The following SZT2 variants were observed in gnomAD, a reference collection of about 807,000 sequenced individuals.
SZT2 encodes the protein SZT2 subunit of KICSTOR complex.
A neutral mutation model predicts 404.2 loss-of-function variants in SZT2; 216 were observed. The ratio of observed to expected loss-of-function variants is 0.53; its 90% CI spans 0.48 to 0.60. The LOEUF is 0.60. Among genes scored for constraint, SZT2 ranks in the 20% least tolerant of loss-of-function variants. The probability of loss-of-function intolerance (pLI) is 0.00; values close to 1 mark genes in which losing one functional copy is unlikely to be tolerated. For missense variants in SZT2, 3,857 were observed against 4,459.2 expected, an observed-to-expected ratio of 0.86 and a Z score of 3.85; for synonymous variants, 1,693 against 1,749.9, an observed-to-expected ratio of 0.97 and a Z score of 0.81.
intron 41 of SZT2, among the ~76,000 whole-genome samples, chr1:43,434,791 ACT>A (rs1466163673): frequency 2.0e-5 from 3 of 152,116 alleles, no homozygotes; most frequent in African/African-American, 7.2e-5. Context: ...GGACGCTGTA[ACT>A]CTGTGGAGCT....
rs1283569503 is a variant in SZT2 at position 43,447,657 on chromosome 1, C to T, written c.9399C>T (p.Gly3133=). 2 of 1,614,150 alleles carry T rather than the reference C, an allele frequency of 1.2e-6. No individual in the cohort carries two copies. Among genetic ancestry groups the T allele is most frequent in the Non-Finnish European group, 1.7e-6 (2 of 1,180,026 alleles). ...CATTGCGAATGGCCCGGCCAGGGGG[C>T]CCAGAACACAACGAGTATGCCCTGG... ...MKPLRMARPG[G]PEHNEYALVS... The change falls in exon 67 of 72, where the codon GGC becomes GGT. Residue 3133 remains glycine (G), a synonymous_variant. Transcript: ENST00000634258.
chr1:43,392,410 T>C (rs1450595064), intron 1 of SZT2, among the ~76,000 whole-genome samples: 1 of 151,176 alleles, frequency 6.6e-6, no homozygotes. Flanking sequence ...AGCCAAAAGT[T>C]AAGCTTTTTT....
In SZT2 at chr1:43,430,988, G is replaced by T. The variant is rs748780265; in HGVS notation, c.4814G>T (p.Gly1605Val). 10 of 1,613,996 alleles carry T rather than the reference G, an allele frequency of 6.2e-6. No homozygotes were observed. In the African/African-American group the frequency reaches 1.3e-4, roughly 22 times the overall value. ...LSSLEGPPVG[G>V]RVPLRDLSVT... ...AGTCTGGAGGGCCCCCCAGTTGGAGGCCGAGTTCCCTTGAGGGACCTCAGT... is the reference window on the plus strand; with the variant it reads ...AGTCTGGAGGGCCCCCCAGTTGGAGTCCGAGTTCCCTTGAGGGACCTCAGT... Residue 1605 changes from glycine (G) to valine (V), a missense_variant, in exon 33 of 72, where the codon GGC becomes GTC. This residue lies in a region of SZT2 where 1,725 missense variants were observed against 1,881.0 expected (regional missense o/e 0.92). Coordinates refer to ENST00000634258, the MANE Select transcript of SZT2 (RefSeq NM_001365999.1).
rs1250703199 is a variant in SZT2 at position 43,446,251 on chromosome 1, G to A, written c.8989G>A (p.Ala2997Thr). The change falls in exon 64 of 72, where the codon GCA (alanine) becomes ACA (threonine). Residue 2997 changes from alanine to threonine, a missense_variant. This residue lies in a region of SZT2 where 717 missense variants were observed against 868.2 expected (regional missense o/e 0.83). Transcript: ENST00000634258. ...TGGGGGCATCATCCTCATGGAACTGGCATTCCAGGTAAGCAGGAGGAGCAC... is the reference window on the plus strand; with the variant it reads ...TGGGGGCATCATCCTCATGGAACTGACATTCCAGGTAAGCAGGAGGAGCAC... ...LPGGIILMEL[A>T]FQGCYFCVKQ... 1.1e-5 allele frequency: 18 copies of A among 1,614,112 alleles called. No homozygotes were observed. The highest frequency in any genetic ancestry group is 1.5e-5 in the Non-Finnish European group (18 of 1,180,058).
intron 26 of SZT2, 103 bp downstream of exon 26, chr1:43,427,837 C>G (rs757435210): frequency 1.4e-6 from 2 of 1,409,934 alleles, no homozygotes; most frequent in Non-Finnish European, 1.9e-6. Flanking sequence ...GCTGCCATAT[C>G]CTGCTGGCTC....
chr1:43,397,392 C>T (rs1192038145), intron 1 of SZT2, among the ~76,000 whole-genome samples: 1 of 150,336 alleles, frequency 6.7e-6, no homozygotes, highest in Non-Finnish European at 1.5e-5. Context: ...CACTGCTGCA[C>T]TCCAGCCTGG....
Position 43,420,458 on chromosome 1 carries a change from C to T in SZT2, c.1261+135C>T. On this transcript the variant is annotated intron_variant, in intron 9 of 71. Coordinates refer to ENST00000634258, the MANE Select transcript of SZT2 (RefSeq NM_001365999.1). The surrounding 1 kb of genome is among the most constrained non-coding windows in gnomAD (Gnocchi z 5.1). ...CTTGAGACAGTGGGTTTTGAATTGT[C>T]ATCAGGGCTTAATTCTCTTAGCATG... is the stretch of plus-strand genomic sequence containing the variant. 8.3e-7 allele frequency: 1 copy of T among 1,206,738 alleles called. No homozygotes were observed. The allele number at this position is 1,206,738 out of a possible 1,614,324, so 74.8% of individuals were successfully genotyped here. A position where few individuals can be genotyped will look rare whatever the true frequency, so the allele number is the denominator to read the frequency against.
rs1370222135 is a variant in SZT2, at chr1:43,451,326, A to T, written c.*846A>T. ...TACTGTGTCTCCTGCAGGGAGAGGGAGGCCTCGGCACCTCAGCCCACAAGG... is the reference window on the plus strand; with the variant it reads ...TACTGTGTCTCCTGCAGGGAGAGGGTGGCCTCGGCACCTCAGCCCACAAGG... On this transcript the variant is annotated 3_prime_UTR_variant, in exon 72 of 72. Transcript: ENST00000634258. 1 of 1,613,336 alleles carries T rather than the reference A, an allele frequency of 6.2e-7. No individual in the cohort carries two copies. Among genetic ancestry groups the T allele is most frequent in the South Asian group, 1.1e-5 (1 of 91,072 alleles).
At position 43,424,633 on chromosome 1, in the gene SZT2, T is replaced by C. The variant is rs926765569; in HGVS notation, c.2472-151T>C. On this transcript the variant is annotated intron_variant, in intron 16 of 71. Coordinates refer to ENST00000634258, the MANE Select transcript of SZT2 (RefSeq NM_001365999.1). This position sits in a 1 kb window ranked among gnomAD's most constrained non-coding sequence, Gnocchi z 4.1. Reference sequence around the variant, plus strand: ...TCTCTCATCCTCACTGGATTTGTTATACCCTGAGGGACCGCCAGTCTAAGC... The same window carrying C: ...TCTCTCATCCTCACTGGATTTGTTACACCCTGAGGGACCGCCAGTCTAAGC... The C allele has an allele frequency of 2.4e-6, 2 of 844,320 alleles. No homozygotes were observed. Among genetic ancestry groups the C allele is most frequent in the Non-Finnish European group, 3.7e-6 (2 of 540,680 alleles). 52.3% of individuals were successfully genotyped at this position (844,320 alleles called of 1,614,324 possible).
intron 1 of SZT2, among the ~76,000 whole-genome samples, chr1:43,395,014 G>T (rs1648824708): frequency 6.6e-6 from 1 of 152,198 alleles, no homozygotes; most frequent in African/African-American, 2.4e-5. Flanking sequence ...GATTCTGTAA[G>T]AACTGATTGA....
At position 43,443,034 on chromosome 1, in the gene SZT2, T is replaced by C. The variant is rs1023163174; in HGVS notation, c.8367T>C (p.Pro2789=). The C allele has an allele frequency of 2.5e-6, 4 of 1,613,782 alleles. No homozygotes were observed. In the African/African-American group the frequency reaches 5.3e-5, roughly 22 times the overall value. Residue 2789 remains proline (P), a synonymous_variant, in exon 59 of 72, where the codon CCT becomes CCC. Coordinates refer to ENST00000634258, the MANE Select transcript of SZT2 (RefSeq NM_001365999.1). ...VLGPVPRPPD[P]VTYHGQQFLE... ...GTCCTGTGCCCAGACCTCCTGATCCTGTCACCTACCATGGACAACAGTTCC... is the reference window on the plus strand; with the variant it reads ...GTCCTGTGCCCAGACCTCCTGATCCCGTCACCTACCATGGACAACAGTTCC...
intron 4 of SZT2, among the ~76,000 whole-genome samples, chr1:43,411,469 C>T (rs1422911401): frequency 6.6e-6 from 1 of 152,230 alleles, no homozygotes; most frequent in East Asian, 1.9e-4. Flanking sequence ...TGCAGAATGA[C>T]AGTCACCCAG....
chr1:43,440,885 A>T (rs957344398), intron 52 of SZT2, among the ~76,000 whole-genome samples: 1 of 152,208 alleles, frequency 6.6e-6, no homozygotes, highest in Non-Finnish European at 1.5e-5. Flanking sequence ...AGCAAAACAA[A>T]AACTGCTCTG....
chr1:43,439,501 C>A lies in SZT2; in HGVS notation c.6877+59C>A, dbSNP rs1245598661. 1 of 1,597,078 alleles carries A rather than the reference C, an allele frequency of 6.3e-7. No homozygotes were observed. The highest frequency in any genetic ancestry group is 2.2e-5 in the East Asian group (1 of 44,716). ...AGGTGAGGGAAAGCCTTTTGTCATC[C>A]TATTGCTAAGAGGACATTTCCCAGG... On this transcript the variant is annotated intron_variant, in intron 49 of 71. Transcript: ENST00000634258. This position sits in a 1 kb window ranked among gnomAD's most constrained non-coding sequence, Gnocchi z 4.2.
intron 4 of SZT2, among the ~76,000 whole-genome samples, chr1:43,411,054 C>T (rs1223350823): frequency 6.6e-6 from 1 of 152,152 alleles, no homozygotes; most frequent in Non-Finnish European, 1.5e-5. Flanking sequence ...GACTGTAAAG[C>T]CTGATCTATA....
Position 43,391,893 on chromosome 1 carries a change from A to ATT in SZT2, c.27+1898_27+1899insTT, listed in dbSNP as rs1308326488. On this transcript the variant is annotated intron_variant, in intron 1 of 71. Transcript: ENST00000634258. ...TCAGGAGATCGAGACCATCCTGGCTAAAACGGTGAAACCCTGTCTCTACTA... is the reference window on the plus strand; with the variant it reads ...TCAGGAGATCGAGACCATCCTGGCTATTAAACGGTGAAACCCTGTCTCTACTA... Among the ~76,000 whole-genome samples the ATT allele has an allele frequency of 3.2e-3, 81 of 25,148 alleles. 35 individuals are homozygous for ATT. The highest frequency in any genetic ancestry group is 3.8e-3 in the Non-Finnish European group (42 of 11,176). 16.5% of individuals were successfully genotyped at this position (25,148 alleles called of 152,430 possible).
chr1:43,438,181 T>C, intron 46 of SZT2: 1 of 431,914 alleles, frequency 2.3e-6, no homozygotes, highest in East Asian at 4.9e-5. Flanking sequence ...GACTGGCTTC[T>C]GCCATGTTCA....
chr1:43,452,591 G>A lies in SZT2; in HGVS notation c.*2111G>A. 1.7e-6 allele frequency: 1 copy of A among 601,936 alleles called. No homozygotes were observed. Among genetic ancestry groups the A allele is most frequent in the Non-Finnish European group, 3.0e-6 (1 of 336,200 alleles). The allele number at this position is 601,936 out of a possible 1,614,324, so 37.3% of individuals were successfully genotyped here. On this transcript the variant is annotated 3_prime_UTR_variant, in exon 72 of 72. Transcript: ENST00000634258. ...TTCCCTCGGTCCTTCTCCGCAACCT[G>A]TAACCTGCTAAATTCTCACCTTTAA...
Position 43,427,272 on chromosome 1 carries a change from C to T in SZT2, c.3434-9C>T. The T allele has an allele frequency of 6.2e-7, 1 of 1,607,182 alleles. No homozygotes were observed. The highest frequency in any genetic ancestry group is 1.7e-4 in the Middle Eastern group (1 of 6,016). ...CAGGCAGCTCTGATTTATGTCTGAT[C>T]CTCTTCAGATGTCCAGCGTCTGGCT... On this transcript the variant is annotated splice_polypyrimidine_tract_variant and intron_variant, in intron 24 of 71. Coordinates refer to ENST00000634258, the MANE Select transcript of SZT2 (RefSeq NM_001365999.1).
Sources: allele counts gnomAD v4.1 joint callset (sites outside exome capture counted in the v4.1 genomes callset), GRCh38; gene constraint gnomAD v4.1.1; regional missense constraint gnomAD v4.1.1; non-coding constraint Gnocchi (gnomAD v3.1); transcripts MANE v1.5; gene names NCBI Gene and HGNC (gene_info 2026-07-23, HGNC 2026-07-21).